Variants in STXBP5L observed in about 807,000 individuals in gnomAD.
The protein encoded by STXBP5L is syntaxin-binding protein 5-like.
A neutral mutation model predicts 144.5 loss-of-function variants in STXBP5L; 65 were observed. That is an observed-to-expected ratio of 0.45 (90% CI 0.37 to 0.55). STXBP5L has a LOEUF of 0.55. Among genes scored for constraint, STXBP5L ranks in the 20% least tolerant of loss-of-function variants. STXBP5L has a pLI of 0.00. For synonymous variants in STXBP5L, 505 were observed against 469.6 expected, an observed-to-expected ratio of 1.08 and a Z score of -0.97; for missense variants, 1,298 against 1,405.5, an observed-to-expected ratio of 0.92 and a Z score of 1.22.
chr3:120,998,209 C>A (rs539028000), intron 3 of STXBP5L, among the ~76,000 whole-genome samples: 6 of 152,116 alleles, frequency 3.9e-5, no homozygotes, highest in African/African-American at 9.7e-5. Flanking sequence ...TCCAATTCAA[C>A]ATAGTACTGG....
intron 5 of STXBP5L, among the ~76,000 whole-genome samples, chr3:121,109,983 G>A (rs1253549204): frequency 6.6e-6 from 1 of 151,930 alleles, no homozygotes; most frequent in Non-Finnish European, 1.5e-5. Flanking sequence ...TGTCTTTTTT[G>A]ATCTTTGTTG....
chr3:121,145,129 T>C (rs2045665098), intron 7 of STXBP5L, among the ~76,000 whole-genome samples: 1 of 151,828 alleles, frequency 6.6e-6, no homozygotes, highest in Admixed American at 6.6e-5. Context: ...GTACTATATA[T>C]TTATAAATTT....
chr3:120,983,835 TTC>T (rs1942034376), intron 3 of STXBP5L, among the ~76,000 whole-genome samples: 1 of 152,220 alleles, frequency 6.6e-6, no homozygotes, highest in African/African-American at 2.4e-5. Flanking sequence ...AATTCCAGTG[TTC>T]TCTCTTAGAC....
At chr3:121,140,860 C>A (rs1199131467) in intron 7 of STXBP5L, among the ~76,000 whole-genome samples, 2 of 152,014 alleles carry the variant, frequency 1.3e-5, no homozygotes, top group East Asian at 3.9e-4. Context: ...TGATATATTG[C>A]ACTGTTGAAA....
In STXBP5L at chr3:120,938,817, G is replaced by A. The variant is rs11914906; in HGVS notation, c.190-16123G>A. 7.9e-3 allele frequency among the ~76,000 whole-genome samples: 1,202 copies of A among 152,230 alleles called. 20 individuals are homozygous for A. Among genetic ancestry groups the A allele is most frequent in the African/African-American group, 0.027 (1,123 of 41,538 alleles). ...CTTCTTAGAGACAGAGGCTTGCTCTGTTGCCCAGGCTGGAGTGCAATGGCA... is the reference window on the plus strand; with the variant it reads ...CTTCTTAGAGACAGAGGCTTGCTCTATTGCCCAGGCTGGAGTGCAATGGCA... On this transcript the variant is annotated intron_variant, in intron 2 of 26. Transcript: ENST00000471454.
intron 9 of STXBP5L, among the ~76,000 whole-genome samples, chr3:121,160,308 A>G (rs750407711): frequency 7.2e-5 from 11 of 152,164 alleles, no homozygotes; most frequent in Non-Finnish European, 1.3e-4. Context: ...TCCATTACAT[A>G]TCCTATAAAG....
intron 24 of STXBP5L, among the ~76,000 whole-genome samples, chr3:121,415,003 T>C (rs1009715774): frequency 2.0e-5 from 3 of 152,094 alleles, no homozygotes; most frequent in African/African-American, 7.2e-5. Flanking sequence ...ACCAAATAGA[T>C]GATGTTGCCA....
Position 121,065,379 on chromosome 3 carries a change from A to G in STXBP5L, c.470+19844A>G, listed in dbSNP as rs192441448. Among the ~76,000 whole-genome samples the G allele has an allele frequency of 2.0e-5, 3 of 152,246 alleles. No homozygotes were observed. The East Asian group carries it at 5.8e-4, about 29-fold the overall frequency. ...CATATTTTATAATATATATTCATACATATTTATACATTATATAAACACACA... is the reference window on the plus strand; with the variant it reads ...CATATTTTATAATATATATTCATACGTATTTATACATTATATAAACACACA... On this transcript the variant is annotated intron_variant, in intron 5 of 26. Transcript: ENST00000471454.
chr3:121,408,297 C>T (rs1372400180), intron 23 of STXBP5L, among the ~76,000 whole-genome samples: 4 of 151,804 alleles, frequency 2.6e-5, no homozygotes, highest in African/African-American at 4.8e-5. Flanking sequence ...AGCTCATAAA[C>T]GTATACTATA....
chr3:121,097,834 T>C (rs1412825260), intron 5 of STXBP5L, among the ~76,000 whole-genome samples: 4 of 152,212 alleles, frequency 2.6e-5, no homozygotes, highest in Non-Finnish European at 4.4e-5. Flanking sequence ...CTAATTGAAA[T>C]GTGATCTAAT....
chr3:121,260,504 C>CA (rs1222519996), intron 18 of STXBP5L, among the ~76,000 whole-genome samples: 2 of 151,638 alleles, frequency 1.3e-5, no homozygotes, highest in Non-Finnish European at 2.9e-5. Context: ...TTAATAAAAA[C>CA]AAAAAAATTA....
At chr3:121,146,222 A>G (rs534899109) in intron 7 of STXBP5L, among the ~76,000 whole-genome samples, 11 of 152,192 alleles carry the variant, frequency 7.2e-5, no homozygotes, top group Non-Finnish European at 1.5e-4. Flanking sequence ...ATACAGATAT[A>G]TATCCTATTG....
intron 20 of STXBP5L, among the ~76,000 whole-genome samples, chr3:121,352,047 C>G (rs193093876): frequency 6.6e-6 from 1 of 152,090 alleles, no homozygotes; most frequent in Non-Finnish European, 1.5e-5. Context: ...GTCTATATCT[C>G]TGTTTTGGTA....
chr3:121,135,649 G>A (rs1051916499), intron 7 of STXBP5L, among the ~76,000 whole-genome samples: 5 of 152,180 alleles, frequency 3.3e-5, no homozygotes, highest in East Asian at 1.9e-4. Context: ...GACAGGAGGC[G>A]GAGCTCTGGT....
At chr3:121,354,600 A>G (rs1426629735) in intron 20 of STXBP5L, among the ~76,000 whole-genome samples, 1 of 137,896 alleles carries the variant, frequency 7.3e-6, no homozygotes, top group African/African-American at 2.7e-5. Flanking sequence ...TGCATGTGAG[A>G]TGGGGCTCTT....
intron 3 of STXBP5L, among the ~76,000 whole-genome samples, chr3:121,037,381 G>T (rs1332907376): frequency 6.6e-6 from 1 of 151,420 alleles, no homozygotes; most frequent in Admixed American, 6.6e-5. Flanking sequence ...CTTACTATCT[G>T]GGATCACAGG....
chr3:121,253,963 A>G (rs2050126605), intron 15 of STXBP5L, among the ~76,000 whole-genome samples: 1 of 151,738 alleles, frequency 6.6e-6, no homozygotes, highest in Non-Finnish European at 1.5e-5. Flanking sequence ...GCAAATTAAT[A>G]TTCTTTACGA....
At chr3:121,189,051 T>G (rs2047522801) in intron 9 of STXBP5L, among the ~76,000 whole-genome samples, 1 of 152,202 alleles carries the variant, frequency 6.6e-6, no homozygotes, top group Non-Finnish European at 1.5e-5. Context: ...AATTTTATAC[T>G]TAGAAAACCC....
At chr3:120,936,527 A>C (rs1710271135) in intron 2 of STXBP5L, among the ~76,000 whole-genome samples, 1 of 152,126 alleles carries the variant, frequency 6.6e-6, no homozygotes. Flanking sequence ...GTCAGATGGC[A>C]AAATTTTTTT....
Sources: allele counts gnomAD v4.1 joint callset (sites outside exome capture counted in the v4.1 genomes callset), GRCh38; gene constraint gnomAD v4.1.1; transcripts MANE v1.5; gene names NCBI Gene and HGNC (gene_info 2026-07-23, HGNC 2026-07-21).